LRG1: variants seen among roughly 807,000 people sequenced by gnomAD.
The protein encoded by LRG1 is leucine-rich alpha-2-glycoprotein.
In LRG1, 1 loss-of-function variant was observed where a neutral mutation model predicts 2.4. That is an observed-to-expected ratio of 0.41 (90% CI 0.15 to 1.95). The LOEUF (loss-of-function observed/expected upper bound fraction) is 1.95. Ranked by LOEUF, LRG1 falls within the 30% of genes most tolerant of loss-of-function variation. The probability of loss-of-function intolerance (pLI) is 0.30; values close to 1 mark genes in which losing one functional copy is unlikely to be tolerated. For synonymous variants in LRG1, 226 were observed against 210.6 expected (o/e 1.07, Z -0.63); for missense variants, 425 against 436.9 (o/e 0.97, Z 0.24).
At chr19:4,539,694 C>T (rs1976989823) in intron 1 of LRG1, among the ~76,000 whole-genome samples, 1 of 152,238 alleles carries the variant, frequency 6.6e-6, no homozygotes, top group Admixed American at 6.5e-5. Context: ...CAGGGCTTCC[C>T]TGGCCCGGCA....
chr19:4,537,390 C>G lies in LRG1; in HGVS notation c.*550G>C, dbSNP rs1486315144. ...AAGGAAGGACAAGGGGCTGGGAGAA[C>G]CCAGAGTTCAAGAGATCTGGGAAAC... On this transcript the variant is annotated 3_prime_UTR_variant, in exon 2 of 2. Transcript: ENST00000306390. 1 of 153,454 alleles carries G rather than the reference C, an allele frequency of 6.5e-6. No individual in the cohort carries two copies. Among genetic ancestry groups the G allele is most frequent in the African/African-American group, 2.4e-5 (1 of 41,398 alleles). 9.5% of individuals were successfully genotyped at this position (153,454 alleles called of 1,614,324 possible).
At chr19:4,539,073 T>G in intron 1 of LRG1, 122 bp from the exon 2 acceptor site, 1 of 942,164 alleles carries the variant, frequency 1.1e-6, no homozygotes, top group Non-Finnish European at 1.5e-6. Context: ...TGGACTATGC[T>G]ACCTCATCTC....
Position 4,538,833 on chromosome 19 carries a change from C to CA in LRG1, c.150dup (p.Gly51TrpfsTer43), listed in dbSNP as rs1185287493. ...GGTGGTTGACAGGAGATGGAGCTGC[C>CA]ATGGTCTGAGCGGAACACCTGGCAG... On this transcript the variant is annotated frameshift_variant, in exon 2 of 2. Coordinates refer to ENST00000306390, the MANE Select transcript of LRG1 (RefSeq NM_052972.3). LOFTEE classifies it low-confidence loss of function (END_TRUNC). 1 of 1,597,058 alleles carries CA rather than the reference C, an allele frequency of 6.3e-7. No homozygotes were observed. The highest frequency in any genetic ancestry group is 1.7e-5 in the Admixed American group (1 of 59,302).
chr19:4,536,784 C>G lies in LRG1; in HGVS notation c.*1156G>C, dbSNP rs994670901. 6.6e-6 allele frequency: 1 copy of G among 152,320 alleles called. No individual in the cohort carries two copies. The highest frequency in any genetic ancestry group is 2.4e-5 in the African/African-American group (1 of 41,464). The allele number at this position is 152,320 out of a possible 1,614,324, so 9.4% of individuals were successfully genotyped here. ...CAGGGTCTTCCAAATCCGATTGCAG[C>G]CCCCACATGGCCAATGCTGTATCAG... On this transcript the variant is annotated 3_prime_UTR_variant, in exon 2 of 2. Transcript: ENST00000306390.
chr19:4,539,513 T>G (rs1475326982), intron 1 of LRG1, among the ~76,000 whole-genome samples: 1 of 152,240 alleles, frequency 6.6e-6, no homozygotes, highest in Admixed American at 6.5e-5. Context: ...AGAGTCTTGC[T>G]CAGTTGCCCA....
chr19:4,538,371 G>T lies in LRG1; in HGVS notation c.613C>A (p.Pro205Thr). ...LGENQLETLP[P>T]DLLRGPLQLE... is the part of the protein sequence containing the mutation. ...TGCAGCGGACCCCTCAGGAGGTCAG[G>T]TGGCAAGGTCTCCAACTGGTTCTCC... The change falls in exon 2 of 2, where the codon CCT becomes ACT. Residue 205 changes from proline to threonine, a missense_variant. By Grantham distance (38) the Pro-to-Thr change is conservative. Coordinates refer to ENST00000306390, the MANE Select transcript of LRG1 (RefSeq NM_052972.3). 1 of 1,614,200 alleles carries T rather than the reference G, an allele frequency of 6.2e-7. No individual in the cohort carries two copies. Among genetic ancestry groups the T allele is most frequent in the East Asian group, 2.2e-5 (1 of 44,878 alleles).
In LRG1 at chr19:4,537,720, A is replaced by G. The variant is rs1951925183; in HGVS notation, c.*220T>C. ...GTTGCTGGGACTACAGGTGCCCACC[A>G]CCACGCCTGGCTAATTTTTTATATT... is the stretch of plus-strand genomic sequence containing the variant. On this transcript the variant is annotated 3_prime_UTR_variant, in exon 2 of 2. Transcript: ENST00000306390. 1.9e-6 allele frequency: 1 copy of G among 532,426 alleles called. No individual in the cohort carries two copies. The highest frequency in any genetic ancestry group is 3.3e-6 in the Non-Finnish European group (1 of 302,510). 33.0% of individuals were successfully genotyped at this position (532,426 alleles called of 1,614,324 possible). A position where few individuals can be genotyped will look rare whatever the true frequency, so the allele number is the denominator to read the frequency against.
intron 1 of LRG1, 45 bp from the exon 2 acceptor site, chr19:4,538,996 A>G (rs1976983601): frequency 6.8e-7 from 1 of 1,468,460 alleles, no homozygotes; most frequent in Non-Finnish European, 9.0e-7. Context: ...CAGTGAAAAT[A>G]CACTCAGCTA....
In LRG1 at chr19:4,540,030, T is replaced by G; in HGVS notation, c.-17A>C. The G allele has an allele frequency of 1.2e-6, 2 of 1,614,104 alleles. No homozygotes were observed. Among genetic ancestry groups the G allele is most frequent in the East Asian group, 2.2e-5 (1 of 44,884 alleles). On this transcript the variant is annotated 5_prime_UTR_variant, in exon 1 of 2. Coordinates refer to ENST00000306390, the MANE Select transcript of LRG1 (RefSeq NM_052972.3). ...AGAGGACATGGTAGCTCTGCTCTTTTGCTTCTGGGTTGTCCTGGCCTGCGG... is the reference window on the plus strand; with the variant it reads ...AGAGGACATGGTAGCTCTGCTCTTTGGCTTCTGGGTTGTCCTGGCCTGCGG...
At chr19:4,539,342 C>G (rs10420247) in intron 1 of LRG1, among the ~76,000 whole-genome samples, 1 of 152,344 alleles carries the variant, frequency 6.6e-6, no homozygotes, top group Admixed American at 6.5e-5. Flanking sequence ...CTCCCTGGCT[C>G]TGTGTTTTGA....
intron 1 of LRG1, among the ~76,000 whole-genome samples, chr19:4,539,603 G>T (rs1401708322): frequency 6.6e-6 from 1 of 152,222 alleles, no homozygotes; most frequent in African/African-American, 2.4e-5. Flanking sequence ...CCAGGTCTGA[G>T]GGTGGGCATT....
Position 4,538,387 on chromosome 19 carries a change from C to T in LRG1, c.597G>A (p.Gln199=), listed in dbSNP as rs1976972563. Residue 199 remains glutamine (Q), a synonymous_variant, in exon 2 of 2, where the codon CAG becomes CAA. Coordinates refer to ENST00000306390, the MANE Select transcript of LRG1 (RefSeq NM_052972.3). ...GGAGGTCAGGTGGCAAGGTCTCCAA[C>T]TGGTTCTCCCCAAGGTCAAGGGTGC... ...LLRTLDLGEN[Q]LETLPPDLLR... 3 of 1,614,090 alleles carry T rather than the reference C, an allele frequency of 1.9e-6. No individual in the cohort carries two copies. In the South Asian group the frequency reaches 3.3e-5, roughly 18 times the overall value.
Position 4,540,018 on chromosome 19 carries a change from G to C in LRG1, c.-5C>G. On this transcript the variant is annotated 5_prime_UTR_variant, in exon 1 of 2. Transcript: ENST00000306390. Reference sequence around the variant, plus strand: ...CTGTCTGCTCCAAGAGGACATGGTAGCTCTGCTCTTTTGCTTCTGGGTTGT... The same window carrying C: ...CTGTCTGCTCCAAGAGGACATGGTACCTCTGCTCTTTTGCTTCTGGGTTGT... 3 of 1,614,132 alleles carry C rather than the reference G, an allele frequency of 1.9e-6. No individual in the cohort carries two copies. The highest frequency in any genetic ancestry group is 2.5e-6 in the Non-Finnish European group (3 of 1,180,012).
Position 4,538,124 on chromosome 19 carries a change from T to C in LRG1, c.860A>G (p.Asn287Ser), listed in dbSNP as rs559560348. The change falls in exon 2 of 2, where the codon AAC becomes AGC. Residue 287 changes from asparagine to serine, a missense_variant. Coordinates refer to ENST00000306390, the MANE Select transcript of LRG1 (RefSeq NM_052972.3). Reference protein sequence around the residue: ...EGLWASLGQPNWDMRDGFDIS... With the variant: ...EGLWASLGQPSWDMRDGFDIS... ...GTCGAAGCCATCCCGCATGTCCCAG[T>C]TTGGCTGCCCTAGGGATGCCCAGAG... 4.5e-5 allele frequency: 73 copies of C among 1,614,112 alleles called. No homozygotes were observed. Among genetic ancestry groups the C allele is most frequent in the Non-Finnish European group, 5.8e-5 (68 of 1,180,032 alleles).
chr19:4,538,938 G>A lies in LRG1; in HGVS notation c.46C>T (p.Gln16Ter). Residue 16 changes from glutamine (Q) to a stop codon, truncating the protein, a stop_gained, in exon 2 of 2, where the codon CAA becomes TAA. Transcript: ENST00000306390. LOFTEE classifies it low-confidence loss of function (END_TRUNC). ...AACAGAGTTCTAGAAACATGGGGTT[G>A]AATGCCCCCTGGGCTGCAGGCAGTA... ...RQRPKSPGGI[Q>*]PHVSRTLFLL... 1 of 1,507,830 alleles carries A rather than the reference G, an allele frequency of 6.6e-7. No homozygotes were observed. Among genetic ancestry groups the A allele is most frequent in the Non-Finnish European group, 8.9e-7 (1 of 1,127,006 alleles). 93.4% of individuals were successfully genotyped at this position (1,507,830 alleles called of 1,614,324 possible).
chr19:4,537,674 T>TC lies in LRG1; in HGVS notation c.*265dup. ...GCTCCGCCTCCCAAGTTCACGCCAT[T>TC]CTCCTGCCTCAGCCTCCCGAGTTGC... is the stretch of plus-strand genomic sequence containing the variant. On this transcript the variant is annotated 3_prime_UTR_variant, in exon 2 of 2. Coordinates refer to ENST00000306390, the MANE Select transcript of LRG1 (RefSeq NM_052972.3). 2.3e-6 allele frequency: 1 copy of TC among 438,024 alleles called. No individual in the cohort carries two copies. The highest frequency in any genetic ancestry group is 4.1e-6 in the Non-Finnish European group (1 of 242,628). The allele number at this position is 438,024 out of a possible 1,614,324, so 27.1% of individuals were successfully genotyped here.
At position 4,537,979 on chromosome 19, in the gene LRG1, C is replaced by G; in HGVS notation, c.1005G>C (p.Val335=). The change falls in exon 2 of 2, where the codon GTG becomes GTC. Residue 335 remains valine (V), a synonymous_variant. Coordinates refer to ENST00000306390, the MANE Select transcript of LRG1 (RefSeq NM_052972.3). ...NDTRCAGPEA[V]KGQTLLAVAK... is the part of the protein sequence containing the mutation. Reference sequence around the variant, plus strand: ...CCACTGCCAGGAGCGTCTGGCCCTTCACGGCTTCAGGCCCAGCACAGCGCG... The same window carrying G: ...CCACTGCCAGGAGCGTCTGGCCCTTGACGGCTTCAGGCCCAGCACAGCGCG... 3.1e-6 allele frequency: 5 copies of G among 1,613,368 alleles called. No individual in the cohort carries two copies. Among genetic ancestry groups the G allele is most frequent in the Non-Finnish European group, 4.2e-6 (5 of 1,179,690 alleles).
At chr19:4,539,627 C>T (rs1019598660) in intron 1 of LRG1, among the ~76,000 whole-genome samples, 9 of 152,226 alleles carry the variant, frequency 5.9e-5, no homozygotes, top group Non-Finnish European at 5.9e-5. Context: ...CCTTGGGAAG[C>T]GGTGGTTTAC....
Position 4,538,966 on chromosome 19 carries a change from A to G in LRG1, c.33-15T>C, listed in dbSNP as rs1976983123. On this transcript the variant is annotated splice_polypyrimidine_tract_variant and intron_variant, in intron 1 of 1. Transcript: ENST00000306390. ...TGCCCCCTGGGCTGCAGGCAGTAAC[A>G]GAAGATGCTTACTAAACCACAGTGA... is the stretch of plus-strand genomic sequence containing the variant. The G allele has an allele frequency of 6.7e-7, 1 of 1,497,378 alleles. No homozygotes were observed. The highest frequency in any genetic ancestry group is 2.3e-5 in the Admixed American group (1 of 43,288). 92.8% of individuals were successfully genotyped at this position (1,497,378 alleles called of 1,614,324 possible). A position where few individuals can be genotyped will look rare whatever the true frequency, so the allele number is the denominator to read the frequency against.
Sources: allele counts gnomAD v4.1 joint callset (sites outside exome capture counted in the v4.1 genomes callset), GRCh38; gene constraint gnomAD v4.1.1; transcripts MANE v1.5; gene names NCBI Gene and HGNC (gene_info 2026-07-23, HGNC 2026-07-21).